Variants in COL1A2 observed in about 807,000 individuals in gnomAD.
COL1A2 encodes the protein collagen type I alpha 2 chain.
A neutral mutation model predicts 174.3 loss-of-function variants in COL1A2; 49 were observed. That is an observed-to-expected ratio of 0.28 (90% CI 0.22 to 0.36). The LOEUF is 0.36. Ranked by LOEUF, COL1A2 falls within the 10% of genes least tolerant of loss-of-function variation. The pLI is 1.00. For synonymous variants in COL1A2, 655 were observed against 606.6 expected, an observed-to-expected ratio of 1.08 and a Z score of -1.17; for missense variants, 1,438 against 1,822.7, an observed-to-expected ratio of 0.79 and a Z score of 3.84.
rs11380334 is a variant in COL1A2, at chr7:94,429,108, C to CT, written c.3712-66dup. On this transcript the variant is annotated intron_variant, in intron 50 of 51. Transcript: ENST00000297268. ...TACTCTTCCTGAGATCTTTTTTTTT[C>CT]TTTTTTTTTTTTTTCATGTTTGACT... 302,812 of 803,920 alleles carry CT rather than the reference C, an allele frequency of 0.38. 35,232 individuals are homozygous for CT. Among genetic ancestry groups the CT allele is most frequent in the African/African-American group, 0.65 (32,489 of 50,252 alleles). 49.8% of individuals were successfully genotyped at this position (803,920 alleles called of 1,614,324 possible).
chr7:94,399,777 GTCACA>G (rs1260108960), intron 4 of COL1A2, among the ~76,000 whole-genome samples: 1 of 152,114 alleles, frequency 6.6e-6, no homozygotes, highest in Non-Finnish European at 1.5e-5. Flanking sequence ...CTTATTAACT[GTCACA>G]TCAGTTAATT....
intron 29 of COL1A2, among the ~76,000 whole-genome samples, 191 bp from the exon 30 acceptor site, chr7:94,415,035 G>A (rs952141986): frequency 1.3e-5 from 2 of 152,064 alleles, no homozygotes; most frequent in African/African-American, 4.8e-5. Context: ...ATACATTTTT[G>A]TCACCAATAA....
At chr7:94,423,947 G>A (rs1363863970) in intron 40 of COL1A2, 2 of 250,532 alleles carry the variant, frequency 8.0e-6, no homozygotes, top group Admixed American at 1.0e-4. Flanking sequence ...TGGATCTTAT[G>A]GTAGTTCTAT....
intron 46 of COL1A2, 66 bp from the exon 47 acceptor site, chr7:94,426,942 A>G (rs1343510214): frequency 8.5e-6 from 5 of 586,482 alleles, no homozygotes; most frequent in Admixed American, 7.2e-5. Flanking sequence ...CAATTTGGAA[A>G]AAAAAAAAAA....
At chr7:94,400,398 T>A in intron 5 of COL1A2, 110 bp downstream of exon 5, 1 of 970,106 alleles carries the variant, frequency 1.0e-6, no homozygotes. Flanking sequence ...TGAAAATTAG[T>A]ATATTTTATT....
intron 16 of COL1A2, 75 bp downstream of exon 16, chr7:94,408,898 G>T: frequency 7.3e-7 from 1 of 1,364,680 alleles, no homozygotes; most frequent in Non-Finnish European, 1.0e-6. Context: ...AACTGTGTTT[G>T]CAGATAAAGA....
At chr7:94,398,299 G>A in intron 2 of COL1A2, 83 bp from the exon 3 acceptor site, 1 of 464,390 alleles carries the variant, frequency 2.2e-6, no homozygotes, top group Non-Finnish European at 3.7e-6. Context: ...AGGTATATTT[G>A]TATACTACAC....
At chr7:94,420,480 T>G in intron 36 of COL1A2, 36 bp downstream of exon 36, 1 of 1,614,122 alleles carries the variant, frequency 6.2e-7, no homozygotes, top group Non-Finnish European at 8.5e-7. Flanking sequence ...TCTGAAAACA[T>G]CCTAAGTTGG....
intron 12 of COL1A2, 134 bp downstream of exon 12, chr7:94,406,437 A>G: frequency 1.3e-6 from 1 of 775,920 alleles, no homozygotes; most frequent in Non-Finnish European, 2.2e-6. Flanking sequence ...CTGTACTTCA[A>G]ATCCCTCAAG....
At position 94,411,123 on chromosome 7, in the gene COL1A2, G is replaced by A. The variant is rs141677005; in HGVS notation, c.1319G>A (p.Arg440His). The stretch of plus-strand genomic sequence containing the variant: ...CGAGGACCTAATGGAGATGCTGGTC[G>A]CCCTGGGGAGCCTGGTCTCATGGGA... ...GVRGPNGDAG[R>H]PGEPGLMGPR... Residue 440 changes from arginine to histidine, a missense_variant, in exon 23 of 52, where the codon CGC (arginine) becomes CAC (histidine). Physicochemically the swap from Arg to His is conservative, Grantham distance 29 (BLOSUM62 0). Around this residue, in one of 3 missense-constraint regions of COL1A2, gnomAD observed 867 missense variants for 1,213.7 expected, o/e 0.71. Transcript: ENST00000297268. 5.6e-6 allele frequency: 9 copies of A among 1,596,348 alleles called. No individual in the cohort carries two copies. The highest frequency in any genetic ancestry group is 1.8e-4 in the Middle Eastern group (1 of 5,680).
At chr7:94,396,739 A>T (rs552529703) in intron 1 of COL1A2, among the ~76,000 whole-genome samples, 7 of 152,310 alleles carry the variant, frequency 4.6e-5, no homozygotes, top group African/African-American at 1.2e-4. Context: ...TTTAACAGTA[A>T]TTCTCGTAAA....
intron 1 of COL1A2, among the ~76,000 whole-genome samples, chr7:94,397,021 G>T (rs1358764602): frequency 1.3e-5 from 2 of 152,042 alleles, no homozygotes; most frequent in East Asian, 1.9e-4. Context: ...TATTTTTCAA[G>T]ATCTTTAATC....
intron 38 of COL1A2, 76 bp downstream of exon 38, chr7:94,421,138 T>G: frequency 6.7e-7 from 1 of 1,485,654 alleles, no homozygotes; most frequent in Non-Finnish European, 9.4e-7. Flanking sequence ...TTTTGAAATT[T>G]TTGGTAAATT....
Position 94,413,827 on chromosome 7 carries a change from AG to A in COL1A2, c.1612-66del, listed in dbSNP as rs1165117591. ...TGGCCATCTCCATTTTCAGTCCAAA[AG>A]TTATACAGCTAGACAACAGTGGTGA... On this transcript the variant is annotated intron_variant, in intron 27 of 51. Coordinates refer to ENST00000297268, the MANE Select transcript of COL1A2 (RefSeq NM_000089.4). 547 of 1,610,268 alleles carry A rather than the reference AG, an allele frequency of 3.4e-4. 1 individual carries two copies. Among genetic ancestry groups the A allele is most frequent in the Non-Finnish European group, 2.0e-4 (240 of 1,176,468 alleles).
intron 42 of COL1A2, 184 bp from the exon 43 acceptor site, chr7:94,425,426 C>T: frequency 1.2e-6 from 1 of 833,228 alleles, no homozygotes; most frequent in Admixed American, 2.2e-5. Flanking sequence ...CAAAACTGGG[C>T]CCAAGTATTT....
intron 40 of COL1A2, 87 bp downstream of exon 40, chr7:94,423,205 G>C: frequency 6.7e-7 from 1 of 1,483,910 alleles, no homozygotes; most frequent in Non-Finnish European, 9.4e-7. Context: ...GCATCTATTT[G>C]TTGATGAGTA....
At chr7:94,397,034 G>T (rs1265326322) in intron 1 of COL1A2, among the ~76,000 whole-genome samples, 1 of 151,840 alleles carries the variant, frequency 6.6e-6, no homozygotes. Context: ...CTTTAATCCG[G>T]TTTTTCCATT....
Position 94,408,316 on chromosome 7 carries a change from TC to T in COL1A2, c.694-17del. On this transcript the variant is annotated intron_variant, in intron 14 of 51. Coordinates refer to ENST00000297268, the MANE Select transcript of COL1A2 (RefSeq NM_000089.4). The stretch of plus-strand genomic sequence containing the variant: ...TGTCATTTAAGTTTCCACCTGATCT[TC>T]CCTTTATTTTCTTCTTAGGGTGCCC... 1 of 1,614,154 alleles carries T rather than the reference TC, an allele frequency of 6.2e-7. No homozygotes were observed. The highest frequency in any genetic ancestry group is 8.5e-7 in the Non-Finnish European group (1 of 1,180,026).
intron 48 of COL1A2, 24 bp downstream of exon 48, chr7:94,427,319 TAAA>T (rs754192357): frequency 8.9e-6 from 14 of 1,581,800 alleles, no homozygotes; most frequent in Non-Finnish European, 1.2e-5. Context: ...GGGGAAATAA[TAAA>T]GAAGATCACG....
Sources: allele counts gnomAD v4.1 joint callset (sites outside exome capture counted in the v4.1 genomes callset), GRCh38; gene constraint gnomAD v4.1.1; regional missense constraint gnomAD v4.1.1; transcripts MANE v1.5; gene names NCBI Gene and HGNC (gene_info 2026-07-23, HGNC 2026-07-21).